The following SHISA9 variants were observed in gnomAD, a reference collection of about 807,000 sequenced individuals.
The protein encoded by SHISA9 is protein shisa-9.
SHISA9 carries 13 observed loss-of-function variants against 38.0 expected under a neutral mutation model. The ratio of observed to expected loss-of-function variants is 0.34; its 90% CI spans 0.22 to 0.54. SHISA9 has a LOEUF of 0.54. Among genes scored for constraint, SHISA9 ranks in the 20% least tolerant of loss-of-function variants. The pLI is 0.91. For synonymous variants in SHISA9, 275 were observed against 242.0 expected (o/e 1.14, Z -1.27); for missense variants, 538 against 575.8 (o/e 0.93, Z 0.67).
At chr16:13,381,974 G>A in the SHISA9 span, among the ~76,000 whole-genome samples, 1 of 152,130 alleles carries the variant, frequency 6.6e-6, no homozygotes, top group Non-Finnish European at 1.5e-5. Flanking sequence ...CTCAATCTGA[G>A]TCAAAATTAG....
At chr16:13,143,711 T>A (rs188009276) in intron 2 of SHISA9, among the ~76,000 whole-genome samples, 183 of 152,294 alleles carry the variant, frequency 1.2e-3, no homozygotes, top group African/African-American at 4.1e-3. Context: ...TTCTCCCCCA[T>A]GGGCCAAACC....
chr16:13,060,762 G>A (rs912696485), intron 2 of SHISA9, among the ~76,000 whole-genome samples: 5 of 151,854 alleles, frequency 3.3e-5, no homozygotes, highest in African/African-American at 4.8e-5. Context: ...CACAAAGCCC[G>A]CCTAGGCCAG....
chr16:13,155,734 C>G (rs2050539294), intron 2 of SHISA9, among the ~76,000 whole-genome samples: 2 of 152,102 alleles, frequency 1.3e-5, no homozygotes. Context: ...GGGTGGGGGA[C>G]ATTTGTTAAT....
chr16:13,500,086 A>G, the SHISA9 span, among the ~76,000 whole-genome samples: 1 of 152,126 alleles, frequency 6.6e-6, no homozygotes, highest in Non-Finnish European at 1.5e-5. Context: ...ATCCTCAGGT[A>G]TTGAAGGAGA....
intron 2 of SHISA9, among the ~76,000 whole-genome samples, chr16:13,177,185 C>T (rs1469105227): frequency 6.6e-6 from 1 of 152,140 alleles, no homozygotes; most frequent in Non-Finnish European, 1.5e-5. Context: ...TACAGAACCC[C>T]CTCTCAGAGA....
intron 2 of SHISA9, among the ~76,000 whole-genome samples, chr16:12,985,333 A>G (rs1362884401): frequency 2.0e-5 from 3 of 152,194 alleles, no homozygotes; most frequent in African/African-American, 7.2e-5. Flanking sequence ...CAGATCTGGG[A>G]TTTCTTGGAA....
At chr16:13,404,827 T>G in the SHISA9 span, among the ~76,000 whole-genome samples, 1 of 152,178 alleles carries the variant, frequency 6.6e-6, no homozygotes, top group Non-Finnish European at 1.5e-5. Context: ...GATCCAGCAA[T>G]GGACATTAAG....
the SHISA9 span, among the ~76,000 whole-genome samples, chr16:13,375,707 A>G: frequency 2.6e-5 from 4 of 152,208 alleles, no homozygotes; most frequent in African/African-American, 9.6e-5. Context: ...TAAGAAATTA[A>G]GAAAAGAAGC....
At chr16:13,086,652 T>A (rs1276313461) in intron 2 of SHISA9, among the ~76,000 whole-genome samples, 1 of 151,742 alleles carries the variant, frequency 6.6e-6, no homozygotes, top group Non-Finnish European at 1.5e-5. Flanking sequence ...TAGAAGAAAA[T>A]TTAGGATATT....
rs2051423551 is a variant in SHISA9, at chr16:13,240,202, T to C, written c.*4793T>C. The C allele has an allele frequency of 6.6e-6, 1 of 152,252 alleles. No individual in the cohort carries two copies. Among genetic ancestry groups the C allele is most frequent in the Admixed American group, 6.5e-5 (1 of 15,288 alleles). The allele number at this position is 152,252 out of a possible 1,614,324, so 9.4% of individuals were successfully genotyped here. ...CCCAGTTTTTTGTGTAAATGGAGCA[T>C]ATTTTATGTGCGAATATTTTAGTAA... On this transcript the variant is annotated 3_prime_UTR_variant, in exon 5 of 5. Coordinates refer to ENST00000558583, the MANE Select transcript of SHISA9 (RefSeq NM_001145204.3).
At chr16:13,222,362 A>G (rs977709205) in intron 4 of SHISA9, among the ~76,000 whole-genome samples, 3 of 152,186 alleles carry the variant, frequency 2.0e-5, no homozygotes, top group African/African-American at 4.8e-5. Flanking sequence ...TTGTTGCACT[A>G]TGACTCTTAC....
chr16:13,204,054 C>CA (rs1256995698), intron 3 of SHISA9, among the ~76,000 whole-genome samples: 1 of 152,128 alleles, frequency 6.6e-6, no homozygotes, highest in Non-Finnish European at 1.5e-5. Context: ...TCCATCCATC[C>CA]TTCTATCCAT....
intron 2 of SHISA9, among the ~76,000 whole-genome samples, chr16:12,970,465 G>GTT (rs2072059259): frequency 4.4e-5 from 1 of 22,482 alleles, no homozygotes; most frequent in Non-Finnish European, 7.1e-5. Context: ...ACATATATGT[G>GTT]TGTGTATATA....
At chr16:13,250,956 C>T in the SHISA9 span, among the ~76,000 whole-genome samples, 354 of 152,266 alleles carry the variant, frequency 2.3e-3, no homozygotes, top group Non-Finnish European at 3.9e-3. Context: ...TAGTGGACTA[C>T]TGTTGAGAAT....
the SHISA9 span, among the ~76,000 whole-genome samples, chr16:13,353,213 T>C: frequency 6.6e-6 from 1 of 151,996 alleles, no homozygotes; most frequent in Non-Finnish European, 1.5e-5. Flanking sequence ...GGTGATATTG[T>C]GGGGATGTTA....
At chr16:12,950,100 A>G (rs2071735693) in intron 2 of SHISA9, among the ~76,000 whole-genome samples, 1 of 152,146 alleles carries the variant, frequency 6.6e-6, no homozygotes, top group South Asian at 2.1e-4. Flanking sequence ...GTTCCTACAT[A>G]CAGGTGAGAA....
intron 2 of SHISA9, among the ~76,000 whole-genome samples, chr16:13,143,484 G>C (rs1005068101): frequency 6.6e-5 from 10 of 152,216 alleles, no homozygotes; most frequent in Admixed American, 2.0e-4. Context: ...GGAAAGGCCA[G>C]TGGGTCAGCT....
intron 2 of SHISA9, among the ~76,000 whole-genome samples, chr16:12,986,117 G>A (rs1197952149): frequency 6.6e-6 from 1 of 152,010 alleles, no homozygotes; most frequent in Non-Finnish European, 1.5e-5. Flanking sequence ...TTCATAACTG[G>A]GAGTAGTTTT....
At chr16:13,303,621 G>A in the SHISA9 span, among the ~76,000 whole-genome samples, 229 of 152,304 alleles carry the variant, frequency 1.5e-3, no homozygotes, top group Middle Eastern at 3.4e-3. Context: ...ACTGCTTAAA[G>A]GGTGCAGGAT....
Sources: allele counts gnomAD v4.1 joint callset (sites outside exome capture counted in the v4.1 genomes callset), GRCh38; gene constraint gnomAD v4.1.1; transcripts MANE v1.5; gene names NCBI Gene and HGNC (gene_info 2026-07-23, HGNC 2026-07-21).